PROM1: variants seen among roughly 807,000 people sequenced by gnomAD.
PROM1 encodes prominin 1, also known as prominin-1.
In PROM1, 105 loss-of-function variants were observed where a neutral mutation model predicts 116.9. The observed-to-expected ratio is 0.90, with a 90% confidence interval of 0.77 to 1.06. The LOEUF (loss-of-function observed/expected upper bound fraction) is 1.06. PROM1 is among the 50% of genes least tolerant of loss of function. The pLI is 0.00. For synonymous variants in PROM1, 393 were observed against 387.0 expected (o/e 1.02, Z -0.18); for missense variants, 1,122 against 1,045.2 (o/e 1.07, Z -1.01).
At chr4:16,025,433 C>T in intron 5 of PROM1, 121 bp from the exon 6 acceptor site, 4 of 1,218,100 alleles carry the variant, frequency 3.3e-6, no homozygotes, top group South Asian at 1.5e-5. Flanking sequence ...CCTTTCCTCT[C>T]CCGCTGCCCT....
intron 22 of PROM1, among the ~76,000 whole-genome samples, chr4:15,984,772 C>T (rs1335212671): frequency 1.3e-5 from 2 of 152,162 alleles, no homozygotes; most frequent in Non-Finnish European, 2.9e-5. Context: ...TCTCCCATTA[C>T]TCCCACTGAT....
chr4:16,031,205 T>C (rs1420991320), intron 5 of PROM1, among the ~76,000 whole-genome samples: 2 of 152,200 alleles, frequency 1.3e-5, no homozygotes, highest in East Asian at 3.8e-4. Flanking sequence ...TAAGTAATCA[T>C]TCTAACTAGA....
intron 3 of PROM1, among the ~76,000 whole-genome samples, chr4:16,038,342 C>T (rs560964944): frequency 1.8e-4 from 27 of 152,262 alleles, no homozygotes; most frequent in African/African-American, 5.3e-4. Flanking sequence ...GTTCTCATCC[C>T]TCAGCTAAAA....
Position 16,018,446 on chromosome 4 carries a change from G to T in PROM1, c.879C>A (p.Ser293Arg), listed in dbSNP as rs148242593. Residue 293 changes from serine (S) to arginine (R), a missense_variant, in exon 9 of 28, where the codon AGC becomes AGA. Coordinates refer to ENST00000447510, the MANE Select transcript of PROM1 (RefSeq NM_006017.3). Reference protein sequence around the residue: ...QSTQLSSSLTSVKTSLRSSLN... With the variant: ...QSTQLSSSLTRVKTSLRSSLN... ...GAGATGACCGCAGGCTAGTTTTCAC[G>T]CTGGTCAGACTGCTGCTAAGCTGTG... The T allele has an allele frequency of 4.3e-6, 7 of 1,613,728 alleles. No individual in the cohort carries two copies. The African/African-American group carries it at 9.3e-5, about 22-fold the overall frequency.
chr4:16,033,139 G>A (rs1236827163), intron 5 of PROM1, among the ~76,000 whole-genome samples, 165 bp downstream of exon 5: 1 of 151,842 alleles, frequency 6.6e-6, no homozygotes. Flanking sequence ...AGATCCTTTC[G>A]AATCACTCTA....
chr4:15,983,166 G>A (rs529791290), intron 23 of PROM1, among the ~76,000 whole-genome samples: 1 of 152,298 alleles, frequency 6.6e-6, no homozygotes, highest in Non-Finnish European at 1.5e-5. Flanking sequence ...GAGTTCTACA[G>A]GAATGAGGAA....
chr4:16,062,928 G>A (rs1740675471), intron 2 of PROM1, among the ~76,000 whole-genome samples: 1 of 152,150 alleles, frequency 6.6e-6, no homozygotes, highest in Admixed American at 6.5e-5. Context: ...TCCCCTAAAA[G>A]TTGCAATATA....
At chr4:16,039,234 G>C (rs546124634) in intron 2 of PROM1, among the ~76,000 whole-genome samples, 69 of 152,240 alleles carry the variant, frequency 4.5e-4, no homozygotes, top group African/African-American at 1.6e-3. Flanking sequence ...GAATTAGAGA[G>C]TTGTCATTTT....
chr4:16,042,599 T>G (rs1170874156), intron 2 of PROM1, among the ~76,000 whole-genome samples: 2 of 152,228 alleles, frequency 1.3e-5, no homozygotes, highest in Non-Finnish European at 2.9e-5. Context: ...AAATTTAAAT[T>G]TTTTTAATAA....
intron 2 of PROM1, among the ~76,000 whole-genome samples, chr4:16,062,149 C>T (rs915421406): frequency 6.6e-6 from 1 of 152,100 alleles, no homozygotes; most frequent in Non-Finnish European, 1.5e-5. Context: ...CCTCGGCACC[C>T]CAAAGTGCTG....
intron 1 of PROM1, among the ~76,000 whole-genome samples, chr4:16,077,070 A>T (rs1221497521): frequency 1.3e-5 from 2 of 152,236 alleles, no homozygotes; most frequent in Non-Finnish European, 2.9e-5. Context: ...ACTGTCCCCC[A>T]GCCCGACACC....
intron 5 of PROM1, among the ~76,000 whole-genome samples, chr4:16,028,448 C>G (rs1731868573): frequency 6.6e-6 from 1 of 152,066 alleles, no homozygotes; most frequent in African/African-American, 2.4e-5. Context: ...AATCTGGATT[C>G]TTATGTGAAA....
intron 20 of PROM1, 130 bp downstream of exon 20, chr4:15,987,533 A>G (rs558672005): frequency 2.1e-6 from 2 of 969,562 alleles, no homozygotes; most frequent in South Asian, 1.5e-5. Context: ...CCAATTTGCT[A>G]TTTAAAATAG....
chr4:16,044,850 C>T (rs560211638), intron 2 of PROM1, among the ~76,000 whole-genome samples: 1 of 152,070 alleles, frequency 6.6e-6, no homozygotes, highest in Non-Finnish European at 1.5e-5. Flanking sequence ...GGGAAGTAGG[C>T]AAACCAAGTA....
chr4:15,993,934 C>A, intron 16 of PROM1, 53 bp downstream of exon 16: 26 of 1,567,130 alleles, frequency 1.7e-5, no homozygotes, highest in Non-Finnish European at 2.2e-5. Flanking sequence ...AGAAAGACAC[C>A]TAGATTTGGT....
intron 9 of PROM1, among the ~76,000 whole-genome samples, chr4:16,016,665 GCTCCTACCA>G (rs1298302473): frequency 6.6e-6 from 1 of 152,138 alleles, no homozygotes; most frequent in East Asian, 1.9e-4. Flanking sequence ...AAGTTCTCTA[GCTCCTACCA>G]ATACTGGGAC....
intron 5 of PROM1, among the ~76,000 whole-genome samples, chr4:16,025,729 A>T (rs906133418): frequency 6.6e-6 from 1 of 152,160 alleles, no homozygotes; most frequent in Non-Finnish European, 1.5e-5. Context: ...GCACACACAC[A>T]CACACACACA....
chr4:15,992,368 T>C lies in PROM1; in HGVS notation c.1791A>G (p.Glu597=). 6.2e-7 allele frequency: 1 copy of C among 1,613,854 alleles called. No homozygotes were observed. The highest frequency in any genetic ancestry group is 8.5e-7 in the Non-Finnish European group (1 of 1,179,824). ...INEHTGSISS[E]LESLKVNLNI... Reference sequence around the variant, plus strand: ...TAAGATTTACCTTCAGACTTTCCAATTCACTGCTTATGCTTCCAGTATGCT... The same window carrying C: ...TAAGATTTACCTTCAGACTTTCCAACTCACTGCTTATGCTTCCAGTATGCT... Residue 597 remains glutamate, a synonymous_variant, in exon 17 of 28, where the codon GAA becomes GAG. Coordinates refer to ENST00000447510, the MANE Select transcript of PROM1 (RefSeq NM_006017.3).
chr4:15,974,530 T>C (rs544013080), intron 26 of PROM1, among the ~76,000 whole-genome samples: 1 of 152,332 alleles, frequency 6.6e-6, no homozygotes, highest in African/African-American at 2.4e-5. Flanking sequence ...AGAATTCTCC[T>C]GGGAAACGCT....
Sources: allele counts gnomAD v4.1 joint callset (sites outside exome capture counted in the v4.1 genomes callset), GRCh38; gene constraint gnomAD v4.1.1; transcripts MANE v1.5; gene names NCBI Gene and HGNC (gene_info 2026-07-23, HGNC 2026-07-21).